The following SLIT3 variants were observed in gnomAD, a reference collection of about 807,000 sequenced individuals.
SLIT3 encodes slit guidance ligand 3, also known as slit homolog 3 protein.
Under a neutral mutation model 184.0 loss-of-function variants are expected in SLIT3, and 68 were observed. That is an observed-to-expected ratio of 0.37 (90% CI 0.30 to 0.45). SLIT3 has a LOEUF of 0.45. Ranked by LOEUF, SLIT3 falls within the 20% of genes least tolerant of loss-of-function variation. The pLI, the probability that SLIT3 is intolerant of heterozygous loss-of-function variation, is 1.00. For synonymous variants in SLIT3, 831 were observed against 828.6 expected, an observed-to-expected ratio of 1.00 and a Z score of -0.05; for missense variants, 1,707 against 2,026.0, an observed-to-expected ratio of 0.84 and a Z score of 3.02.
intron 4 of SLIT3, among the ~76,000 whole-genome samples, chr5:169,158,985 A>G (rs571742702): frequency 2.2e-4 from 33 of 152,246 alleles, no homozygotes; most frequent in Non-Finnish European, 4.4e-4. Context: ...TATGCCAATT[A>G]AAAAACAGAG....
At chr5:169,260,378 G>A (rs1766122026) in intron 1 of SLIT3, among the ~76,000 whole-genome samples, 1 of 152,148 alleles carries the variant, frequency 6.6e-6, no homozygotes. Context: ...GAAAGGGCAA[G>A]GTTCTGTGCT....
intron 8 of SLIT3, among the ~76,000 whole-genome samples, chr5:168,813,133 A>G (rs58655552): frequency 0.13 from 20,075 of 152,166 alleles, 1,753 homozygotes; most frequent in South Asian, 0.3. Context: ...ACAGATGGAC[A>G]AACCAATGGG....
intron 4 of SLIT3, among the ~76,000 whole-genome samples, chr5:168,985,020 G>T (rs760883425): frequency 4.6e-5 from 7 of 152,136 alleles, no homozygotes; most frequent in Non-Finnish European, 2.9e-5. Flanking sequence ...ACAAGAAACC[G>T]GTAAGGGAGT....
chr5:168,806,404 C>A (rs757418124), intron 9 of SLIT3, 42 bp downstream of exon 9: 1 of 1,611,330 alleles, frequency 6.2e-7, no homozygotes, highest in Non-Finnish European at 8.5e-7. Flanking sequence ...GAGCTGAATT[C>A]TCCGGCGACA....
At chr5:169,054,120 A>G (rs1757907216) in intron 4 of SLIT3, among the ~76,000 whole-genome samples, 1 of 151,764 alleles carries the variant, frequency 6.6e-6, no homozygotes, top group Non-Finnish European at 1.5e-5. Context: ...GGGTCTATGC[A>G]GATGAAGTCA....
chr5:168,747,499 G>A (rs1380702713), intron 20 of SLIT3, among the ~76,000 whole-genome samples: 2 of 152,070 alleles, frequency 1.3e-5, no homozygotes, highest in Non-Finnish European at 2.9e-5. Context: ...TGCACATGGT[G>A]TGTGTTGGTT....
intron 4 of SLIT3, among the ~76,000 whole-genome samples, chr5:169,132,194 AAGGCGGAGGAAGAAAT>A (rs1231229285): frequency 1.3e-5 from 2 of 152,206 alleles, no homozygotes; most frequent in African/African-American, 4.8e-5. Context: ...GAAGGGGGAA[AAGGCGGAGGAAGAAAT>A]AGAGAGGTAT....
intron 14 of SLIT3, among the ~76,000 whole-genome samples, chr5:168,764,611 G>A (rs1755271294): frequency 6.6e-6 from 1 of 152,124 alleles, no homozygotes; most frequent in African/African-American, 2.4e-5. Flanking sequence ...TGATTTCCTT[G>A]TGGTAATTCC....
chr5:169,053,575 G>A (rs930999885), intron 4 of SLIT3, among the ~76,000 whole-genome samples: 18 of 152,012 alleles, frequency 1.2e-4, no homozygotes, highest in Admixed American at 4.6e-4. Context: ...ACCCTCCACC[G>A]GATTGCACAA....
At chr5:168,824,664 A>G (rs74391838) in intron 6 of SLIT3, among the ~76,000 whole-genome samples, 200 of 152,214 alleles carry the variant, frequency 1.3e-3, no homozygotes, top group Middle Eastern at 0.01. Flanking sequence ...ATACCTCCCA[A>G]AGAGGAAGAG....
At chr5:169,013,463 G>T (rs1756238666) in intron 4 of SLIT3, 1 of 152,220 alleles carries the variant, frequency 6.6e-6, no homozygotes, top group Admixed American at 6.5e-5. Context: ...AAATGGGACA[G>T]CTCTTTGGTT....
chr5:168,958,474 T>C (rs952881496), intron 4 of SLIT3, among the ~76,000 whole-genome samples: 4 of 152,226 alleles, frequency 2.6e-5, no homozygotes, highest in African/African-American at 9.6e-5. Flanking sequence ...GAAAGATGTA[T>C]TGTCATCCCC....
At chr5:169,112,807 G>A (rs1169586921) in intron 4 of SLIT3, among the ~76,000 whole-genome samples, 1 of 152,096 alleles carries the variant, frequency 6.6e-6, no homozygotes, top group African/African-American at 2.4e-5. Flanking sequence ...TCTCTGCTGG[G>A]CTGTGGTTTG....
chr5:169,247,027 G>A (rs1486520921), intron 2 of SLIT3, among the ~76,000 whole-genome samples: 4 of 149,472 alleles, frequency 2.7e-5, no homozygotes, highest in African/African-American at 5.0e-5. Context: ...TCAGGAGTTC[G>A]AGACCAGCCT....
At chr5:168,730,092 A>AC (rs1409507520) in intron 20 of SLIT3, among the ~76,000 whole-genome samples, 1 of 142,364 alleles carries the variant, frequency 7.0e-6, no homozygotes, top group African/African-American at 2.6e-5. Context: ...CAGATAAAAA[A>AC]GACATATCAC....
At chr5:169,192,145 C>T (rs186447430) in intron 4 of SLIT3, among the ~76,000 whole-genome samples, 2 of 152,166 alleles carry the variant, frequency 1.3e-5, no homozygotes, top group Admixed American at 6.5e-5. Flanking sequence ...TCTGGACCCC[C>T]GGGCTGCTGA....
At chr5:168,785,831 A>G in intron 12 of SLIT3, 76 bp downstream of exon 12, 5 of 1,070,674 alleles carry the variant, frequency 4.7e-6, no homozygotes, top group Non-Finnish European at 7.2e-6. Flanking sequence ...AACTCTCCAG[A>G]GCATGGCTCA....
intron 2 of SLIT3, among the ~76,000 whole-genome samples, chr5:169,245,364 C>G (rs947919994): frequency 9.9e-5 from 15 of 152,156 alleles, no homozygotes; most frequent in Admixed American, 8.5e-4. Context: ...GTCCTCCAAG[C>G]AGGTGATTAC....
At chr5:169,157,707 T>C (rs1374092499) in intron 4 of SLIT3, among the ~76,000 whole-genome samples, 1 of 152,066 alleles carries the variant, frequency 6.6e-6, no homozygotes, top group African/African-American at 2.4e-5. Context: ...ATATGAGAAA[T>C]GACAATCAAA....
Sources: gnomAD v4.1 joint callset for allele counts (sites outside exome capture counted in the v4.1 genomes callset) on GRCh38, gnomAD v4.1.1 for gene constraint, MANE v1.5 for transcripts, NCBI Gene and HGNC (gene_info 2026-07-23, HGNC 2026-07-21) for gene names.